Variants in RDX observed in about 807,000 individuals in gnomAD.
RDX encodes radixin, also known as deafness, autosomal recessive 24.
A neutral mutation model predicts 83.7 loss-of-function variants in RDX; 32 were observed. The ratio of observed to expected loss-of-function variants is 0.38; its 90% CI spans 0.29 to 0.51. RDX has a LOEUF of 0.51. Ranked by LOEUF, RDX falls within the 20% of genes least tolerant of loss-of-function variation. The pLI, the probability that RDX is intolerant of heterozygous loss-of-function variation, is 0.87. For missense variants in RDX, 600 were observed against 689.9 expected (o/e 0.87, Z 1.46); for synonymous variants, 229 against 222.7 (o/e 1.03, Z -0.25).
intron 14 of RDX, among the ~76,000 whole-genome samples, chr11:110,209,727 C>G (rs1309439338): frequency 3.4e-4 from 49 of 146,144 alleles, no homozygotes; most frequent in East Asian, 1.1e-3. Context: ...AGCAGGGGCA[C>G]ACTGACACCT....
At chr11:110,217,410 T>C (rs188390620) in intron 14 of RDX, among the ~76,000 whole-genome samples, 1 of 152,302 alleles carries the variant, frequency 6.6e-6, no homozygotes, top group East Asian at 1.9e-4. Context: ...TCTGAATGAC[T>C]AGTACACAGC....
Position 110,294,928 on chromosome 11 carries a change from C to G in RDX, c.-65+1539G>C, listed in dbSNP as rs554936493. On this transcript the variant is annotated intron_variant, in intron 1 of 13. Coordinates refer to ENST00000645495, the MANE Select transcript of RDX (RefSeq NM_002906.4). ...CAAATTCTGTCTCATTTAAATAAAA[C>G]TGTAAAGAATGCCAATGTCTATTCA... Among the ~76,000 whole-genome samples the G allele has an allele frequency of 7.0e-4, 107 of 152,262 alleles. 1 individual carries two copies. The highest frequency in any genetic ancestry group is 3.1e-3 in the Admixed American group (48 of 15,292).
At position 110,223,796 on chromosome 11, in the gene RDX, T is replaced by C. The variant is rs1208677043; in HGVS notation, c.1748+8077A>G. The stretch of plus-strand genomic sequence containing the variant: ...TTTAAAAAATCTAGGCTGGGAGCAG[T>C]GGCTCACGCCTGTAATCCCAGCACT... On this transcript the variant is annotated intron_variant, in intron 14 of 15. Transcript: ENST00000528498. Among the ~76,000 whole-genome samples the C allele has an allele frequency of 3.3e-5, 5 of 152,314 alleles. No individual in the cohort carries two copies. The East Asian group carries it at 9.6e-4, about 29-fold the overall frequency.
intron 7 of RDX, among the ~76,000 whole-genome samples, chr11:110,255,591 A>T (rs1859510163): frequency 6.6e-6 from 1 of 152,170 alleles, no homozygotes; most frequent in Admixed American, 6.5e-5. Context: ...AGATTTCATA[A>T]ATGTGTCATG....
chr11:110,190,476 A>C (rs538952223), intron 15 of RDX, among the ~76,000 whole-genome samples: 48 of 152,276 alleles, frequency 3.2e-4, no homozygotes, highest in African/African-American at 1.2e-3. Flanking sequence ...ATAAATATAA[A>C]TGCTTACATC....
At chr11:110,286,320 C>T (rs1308596201) in intron 1 of RDX, among the ~76,000 whole-genome samples, 1 of 152,220 alleles carries the variant, frequency 6.6e-6, no homozygotes, top group Non-Finnish European at 1.5e-5. Context: ...TCGAGAAAAC[C>T]ACTCATATGA....
Position 110,254,102 on chromosome 11 carries a change from A to G in RDX, c.803T>C (p.Val268Ala). 1 of 1,613,240 alleles carries G rather than the reference A, an allele frequency of 6.2e-7. No individual in the cohort carries two copies. Among genetic ancestry groups the G allele is most frequent in the Non-Finnish European group, 8.5e-7 (1 of 1,179,576 alleles). ...GATTCTCAGACGAGGTGCATAAAAC[A>G]CAAAATCCTAAACATAAAGTATTCT... ...KPIDKKAPDF[V>A]FYAPRLRINK... Residue 268 changes from valine (V) to alanine (A), a missense_variant, in exon 9 of 14, where the codon GTG becomes GCG. By Grantham distance (64) the Val-to-Ala change is moderately conservative. Transcript: ENST00000645495.
At chr11:110,239,329 G>C (rs1159862209) in intron 10 of RDX, among the ~76,000 whole-genome samples, 1 of 151,912 alleles carries the variant, frequency 6.6e-6, no homozygotes, top group Non-Finnish European at 1.5e-5. Context: ...GGCAAAGAGA[G>C]ATAATGGGTG....
rs142340008 is a variant in RDX at position 110,250,639 on chromosome 11, G to T, written c.960-2806C>A. ...GTTCTTCAGGGATGGAGGTGAAGGAGATATGGAAGCAGAAAAAAAGAATCA... is the reference window on the plus strand; with the variant it reads ...GTTCTTCAGGGATGGAGGTGAAGGATATATGGAAGCAGAAAAAAAGAATCA... On this transcript the variant is annotated intron_variant, in intron 9 of 13. Transcript: ENST00000645495. 1.2e-3 allele frequency among the ~76,000 whole-genome samples: 184 copies of T among 151,274 alleles called. 1 individual carries two copies. Among genetic ancestry groups the T allele is most frequent in the African/African-American group, 4.3e-3 (176 of 41,174 alleles).
chr11:110,224,442 T>C (rs538612120), downstream of RDX, among the ~76,000 whole-genome samples: 1 of 152,292 alleles, frequency 6.6e-6, no homozygotes, highest in African/African-American at 2.4e-5. Context: ...GGATCTAGAA[T>C]GGAAGTGTCC....
intron 1 of RDX, among the ~76,000 whole-genome samples, chr11:110,289,337 T>G (rs1223017632): frequency 1.3e-5 from 2 of 152,002 alleles, no homozygotes; most frequent in Non-Finnish European, 2.9e-5. Context: ...TTCAATTAAG[T>G]TGACAATCAA....
intron 11 of RDX, 134 bp downstream of exon 11, chr11:110,237,358 T>G (rs1864897413): frequency 1.3e-6 from 1 of 775,312 alleles, no homozygotes; most frequent in Non-Finnish European, 2.0e-6. Context: ...GTCTACATTT[T>G]GTTATTAAGT....
intron 10 of RDX, among the ~76,000 whole-genome samples, chr11:110,238,202 G>C (rs749075435): frequency 6.6e-6 from 1 of 152,088 alleles, no homozygotes; most frequent in Non-Finnish European, 1.5e-5. Flanking sequence ...TAGGAATTTT[G>C]ATGTGATTAT....
Position 110,231,598 on chromosome 11 carries a change from C to T in RDX, c.*271G>A. On this transcript the variant is annotated 3_prime_UTR_variant, in exon 14 of 14. Coordinates refer to ENST00000645495, the MANE Select transcript of RDX (RefSeq NM_002906.4). ...CGTGATAATTAGTGTTAATCTTCAA[C>T]AGAAAAAAAAAAGAAAAAGAAAAAA... 1 of 463,576 alleles carries T rather than the reference C, an allele frequency of 2.2e-6. No individual in the cohort carries two copies. Among genetic ancestry groups the T allele is most frequent in the Non-Finnish European group, 3.9e-6 (1 of 255,082 alleles). The allele number at this position is 463,576 out of a possible 1,614,324, so 28.7% of individuals were successfully genotyped here.
At chr11:110,275,782 CTTT>C (rs36018441) in intron 2 of RDX, among the ~76,000 whole-genome samples, 13 of 117,282 alleles carry the variant, frequency 1.1e-4, no homozygotes, top group African/African-American at 3.9e-4. Context: ...TTTTACCATC[CTTT>C]TTTTTTTTTT....
At chr11:110,235,962 A>AT in intron 12 of RDX, 137 bp downstream of exon 12, 1 of 683,964 alleles carries the variant, frequency 1.5e-6, no homozygotes, top group South Asian at 1.7e-5. Flanking sequence ...CTGTAGATAG[A>AT]TATTTACAAT....
rs1344864562 is a variant in RDX at position 110,291,899 on chromosome 11, A to C, written c.-65+4568T>G. 3.3e-5 allele frequency among the ~76,000 whole-genome samples: 5 copies of C among 152,062 alleles called. No homozygotes were observed. In the East Asian group the frequency reaches 9.7e-4, roughly 29 times the overall value. On this transcript the variant is annotated intron_variant, in intron 1 of 13. Coordinates refer to ENST00000645495, the MANE Select transcript of RDX (RefSeq NM_002906.4). The stretch of plus-strand genomic sequence containing the variant: ...ATCCTCCCAGCACTTCAGGAGGCCG[A>C]GGCAGAAAGTCCAAGGCAGGAAGTC...
intron 3 of RDX, among the ~76,000 whole-genome samples, chr11:110,266,354 T>A (rs1215325412): frequency 6.6e-6 from 1 of 150,558 alleles, no homozygotes; most frequent in Non-Finnish European, 1.5e-5. Context: ...GAAAATAAAG[T>A]AAGAGTAAAT....
At chr11:110,277,081 C>T (rs1030088520) in intron 2 of RDX, among the ~76,000 whole-genome samples, 1 of 152,176 alleles carries the variant, frequency 6.6e-6, no homozygotes, top group Non-Finnish European at 1.5e-5. Context: ...GTGTTTTCTC[C>T]ACAAGGCAAG....
Sources: gnomAD v4.1 joint callset for allele counts (sites outside exome capture counted in the v4.1 genomes callset) on GRCh38, gnomAD v4.1.1 for gene constraint, MANE v1.5 for transcripts, NCBI Gene and HGNC (gene_info 2026-07-23, HGNC 2026-07-21) for gene names.